The following ZNF37A variants were observed in gnomAD, a reference collection of about 807,000 sequenced individuals.
The protein encoded by ZNF37A is zinc finger protein 37A.
Under a neutral mutation model 12.3 loss-of-function variants are expected in ZNF37A, and 10 were observed. The observed-to-expected ratio is 0.82, with a 90% CI of 0.50 to 1.38. The LOEUF is 1.38. Among genes scored for constraint, ZNF37A ranks in the 40% most tolerant of loss-of-function variants. The pLI is 0.00. For synonymous variants in ZNF37A, 207 were observed against 223.0 expected (o/e 0.93, Z 0.64); for missense variants, 580 against 651.2 (o/e 0.89, Z 1.19).
At position 38,123,275 on chromosome 10, in the gene ZNF37A, A is replaced by T. The variant is rs1307508456; in HGVS notation, c.*4438A>T. On this transcript the variant is annotated 3_prime_UTR_variant, in exon 8 of 8. Coordinates refer to ENST00000685332, the MANE Select transcript of ZNF37A (RefSeq NM_001324250.3). ...TATTAAAATATCTCATGTACCCCAT[A>T]AACATATACACCTACTTTGTACCCA... 2 of 152,170 alleles carry T rather than the reference A, an allele frequency of 1.3e-5. No individual in the cohort carries two copies. The highest frequency in any genetic ancestry group is 2.9e-5 in the Non-Finnish European group (2 of 68,034). The allele number at this position is 152,170 out of a possible 1,614,324, so 9.4% of individuals were successfully genotyped here. A position where few individuals can be genotyped will look rare whatever the true frequency, so the allele number is the denominator to read the frequency against.
intron 5 of ZNF37A, among the ~76,000 whole-genome samples, chr10:38,112,053 T>G (rs569030618): frequency 6.6e-6 from 1 of 151,498 alleles, no homozygotes; most frequent in South Asian, 2.1e-4. Context: ...GGTCACTGAA[T>G]TCTCTCTCTT....
Position 38,115,188 on chromosome 10 carries a change from T to C in ZNF37A, c.143-7T>C. On this transcript the variant is annotated splice_polypyrimidine_tract_variant and splice_region_variant and intron_variant, in intron 6 of 7. Coordinates refer to ENST00000685332, the MANE Select transcript of ZNF37A (RefSeq NM_001324250.3). ...TTTGTCCCAAGTAATACAATTCTCATTCACAGGGTATTGCATTCCTAAACC... is the reference window on the plus strand; with the variant it reads ...TTTGTCCCAAGTAATACAATTCTCACTCACAGGGTATTGCATTCCTAAACC... 1 of 1,571,592 alleles carries C rather than the reference T, an allele frequency of 6.4e-7. No individual in the cohort carries two copies. Among genetic ancestry groups the C allele is most frequent in the Non-Finnish European group, 8.7e-7 (1 of 1,153,070 alleles).
exon 8 of ZNF37A, chr10:38,149,042 T>G (rs1268258189): frequency 6.6e-6 from 1 of 152,028 alleles, no homozygotes; most frequent in African/African-American, 2.4e-5. Flanking sequence ...TTCACCATGT[T>G]GGCCAGGCTG....
In ZNF37A at chr10:38,119,236, T is replaced by A. The variant is rs1361694077; in HGVS notation, c.*399T>A. 1 of 1,042,070 alleles carries A rather than the reference T, an allele frequency of 9.6e-7. No homozygotes were observed. Among genetic ancestry groups the A allele is most frequent in the African/African-American group, 1.7e-5 (1 of 57,858 alleles). 64.6% of individuals were successfully genotyped at this position (1,042,070 alleles called of 1,614,324 possible). A position where few individuals can be genotyped will look rare whatever the true frequency, so the allele number is the denominator to read the frequency against. On this transcript the variant is annotated 3_prime_UTR_variant, in exon 8 of 8. Transcript: ENST00000685332. The stretch of plus-strand genomic sequence containing the variant: ...GGAGAAACCTTTTGGGTGTAATGAA[T>A]GTGGGAAAACCTTTCATCAGAAGTC...
At chr10:38,096,668 G>GGTT (rs2067177224) in intron 5 of ZNF37A, 36 bp downstream of exon 5, 3 of 1,605,864 alleles carry the variant, frequency 1.9e-6, no homozygotes, top group Non-Finnish European at 2.6e-6. Context: ...TTGCTTAAAA[G>GGTT]TAATTATTGA....
At position 38,118,035 on chromosome 10, in the gene ZNF37A, G is replaced by A. The variant is rs559737249; in HGVS notation, c.884G>A (p.Gly295Glu). The A allele has an allele frequency of 1.2e-6, 2 of 1,613,960 alleles. No individual in the cohort carries two copies. Among genetic ancestry groups the A allele is most frequent in the Admixed American group, 1.7e-5 (1 of 59,952 alleles). The change falls in exon 8 of 8, where the codon GGG becomes GAG. Residue 295 changes from glycine to glutamate, a missense_variant. Coordinates refer to ENST00000685332, the MANE Select transcript of ZNF37A (RefSeq NM_001324250.3). ...AHTRHQRTHT[G>E]GKPYECHECG... ...ACAAGACATCAGAGAACACACACAG[G>A]GGGAAAACCCTATGAATGTCATGAA...
downstream of ZNF37A, among the ~76,000 whole-genome samples, chr10:38,128,265 T>C (rs1548255): frequency 0.41 from 62,554 of 151,984 alleles, 13,061 homozygotes; most frequent in East Asian, 0.5. Context: ...CACAGAGGAC[T>C]TAACAGGCTT....
downstream of ZNF37A, among the ~76,000 whole-genome samples, chr10:38,127,499 A>T (rs1370579043): frequency 1.3e-5 from 2 of 152,184 alleles, no homozygotes; most frequent in African/African-American, 2.4e-5. Context: ...CCAACTAAAG[A>T]TGTGCTTTCC....
At chr10:38,149,467 C>A (rs1311337793) in exon 8 of ZNF37A, 5 of 152,028 alleles carry the variant, frequency 3.3e-5, no homozygotes, top group Admixed American at 1.3e-4. Context: ...TCCATCCCCT[C>A]CTAACCCCCA....
At chr10:38,145,246 A>G (rs16905689) in intron 7 of ZNF37A, among the ~76,000 whole-genome samples, 1,958 of 152,286 alleles carry the variant, frequency 0.013, 44 homozygotes, top group African/African-American at 0.045. Context: ...CACAAATTCT[A>G]CGGAGGCTAT....
At chr10:38,110,903 C>A (rs1169509382) in intron 5 of ZNF37A, among the ~76,000 whole-genome samples, 5 of 152,142 alleles carry the variant, frequency 3.3e-5, no homozygotes, top group African/African-American at 1.2e-4. Context: ...ATTAGTTCAA[C>A]CATTGTGGAA....
chr10:38,133,013 A>G (rs1235054578), intron 7 of ZNF37A, among the ~76,000 whole-genome samples: 1 of 152,080 alleles, frequency 6.6e-6, no homozygotes, highest in Non-Finnish European at 1.5e-5. Flanking sequence ...TTAGTGATAT[A>G]GTCTCCTTTA....
rs2069847833 is a variant in ZNF37A, at chr10:38,123,774, A to G, written c.*4937A>G. On this transcript the variant is annotated 3_prime_UTR_variant, in exon 8 of 8. Transcript: ENST00000685332. ...TTGATCCATTAGAGAAATGCAAATCAAAACTACAATAAGATATCATCTCAC... is the reference window on the plus strand; with the variant it reads ...TTGATCCATTAGAGAAATGCAAATCGAAACTACAATAAGATATCATCTCAC... 1 of 152,220 alleles carries G rather than the reference A, an allele frequency of 6.6e-6. No homozygotes were observed. 9.4% of individuals were successfully genotyped at this position (152,220 alleles called of 1,614,324 possible).
chr10:38,115,431 CA>C, intron 7 of ZNF37A, 141 bp downstream of exon 7: 1 of 1,231,884 alleles, frequency 8.1e-7, no homozygotes, highest in East Asian at 2.7e-5. Flanking sequence ...TGACGTGACC[CA>C]AATATGCAGT....
chr10:38,098,454 A>C (rs1442037105), intron 5 of ZNF37A, among the ~76,000 whole-genome samples: 1 of 152,222 alleles, frequency 6.6e-6, no homozygotes, highest in Non-Finnish European at 1.5e-5. Context: ...CTATTTCTGC[A>C]AAAAAGTATG....
At chr10:38,099,473 T>C (rs1438361659) in intron 5 of ZNF37A, among the ~76,000 whole-genome samples, 3 of 152,224 alleles carry the variant, frequency 2.0e-5, no homozygotes, top group Non-Finnish European at 4.4e-5. Context: ...TCCTTTTTAA[T>C]GTTGAATGAT....
chr10:38,120,370 A>C lies in ZNF37A; in HGVS notation c.*1533A>C, dbSNP rs1453682043. ...CTTGAACCTGGGAGGTGGGGGTTTC[A>C]GTGAGCTGAGATCATGCCACTGCAC... On this transcript the variant is annotated 3_prime_UTR_variant, in exon 8 of 8. Transcript: ENST00000685332. The C allele has an allele frequency of 1.3e-5, 2 of 152,242 alleles. No homozygotes were observed. The highest frequency in any genetic ancestry group is 4.8e-5 in the African/African-American group (2 of 41,444). The allele number at this position is 152,242 out of a possible 1,614,324, so 9.4% of individuals were successfully genotyped here.
intron 7 of ZNF37A, chr10:38,142,144 C>G (rs1026301965): frequency 2.0e-5 from 3 of 152,120 alleles, no homozygotes; most frequent in African/African-American, 7.2e-5. Context: ...AAGCAGGGCT[C>G]TCTTTTGTCT....
intron 7 of ZNF37A, among the ~76,000 whole-genome samples, chr10:38,132,936 C>T (rs1369550652): frequency 6.6e-6 from 1 of 151,718 alleles, no homozygotes; most frequent in East Asian, 1.9e-4. Flanking sequence ...AATTTTATGT[C>T]ATATATTTTG....
Sources: gnomAD v4.1 joint callset for allele counts (sites outside exome capture counted in the v4.1 genomes callset) on GRCh38, gnomAD v4.1.1 for gene constraint, MANE v1.5 for transcripts, NCBI Gene and HGNC (gene_info 2026-07-23, HGNC 2026-07-21) for gene names.